The following CTNND2 variants were observed in gnomAD, a reference collection of about 807,000 sequenced individuals.
CTNND2 encodes the protein catenin delta 2.
CTNND2 carries 22 observed loss-of-function variants against 144.4 expected under a neutral mutation model. The observed-to-expected ratio is 0.15, with a 90% CI of 0.11 to 0.22. The LOEUF (loss-of-function observed/expected upper bound fraction) is 0.22, where lower values mean the gene tolerates loss of function less well. CTNND2 is among the 10% of genes least tolerant of loss of function. CTNND2 has a pLI of 1.00. For synonymous variants in CTNND2, 751 were observed against 695.6 expected (o/e 1.08, Z -1.25); for missense variants, 1,353 against 1,618.8 (o/e 0.84, Z 2.82).
chr5:11,726,459 T>C lies in CTNND2; in HGVS notation c.174+5677A>G, dbSNP rs376743394. Among the ~76,000 whole-genome samples the C allele has an allele frequency of 2.6e-5, 4 of 152,168 alleles. No individual in the cohort carries two copies. The South Asian group carries it at 8.3e-4, about 32-fold the overall frequency. On this transcript the variant is annotated intron_variant, in intron 2 of 21. Coordinates refer to ENST00000304623, the MANE Select transcript of CTNND2 (RefSeq NM_001332.4). ...CCTAAATATTTGCAGCTACCTCTGT[T>C]TGTGGTGAATTTTCAAAATAAAAAA...
chr5:11,000,910 C>G (rs1288018082), intron 18 of CTNND2, among the ~76,000 whole-genome samples: 1 of 152,246 alleles, frequency 6.6e-6, no homozygotes, highest in Non-Finnish European at 1.5e-5. Context: ...CAAATGGATG[C>G]TAATGAACAG....
At chr5:11,121,569 A>G (rs1723360087) in intron 12 of CTNND2, among the ~76,000 whole-genome samples, 1 of 151,762 alleles carries the variant, frequency 6.6e-6, no homozygotes, top group Non-Finnish European at 1.5e-5. Flanking sequence ...TCTAATAGAT[A>G]AAAAATGAAA....
chr5:11,158,650 C>A (rs554913932), intron 12 of CTNND2, among the ~76,000 whole-genome samples: 1 of 152,260 alleles, frequency 6.6e-6, no homozygotes, highest in Admixed American at 6.5e-5. Flanking sequence ...TTATTAATGC[C>A]ACTGAGGTGG....
intron 2 of CTNND2, among the ~76,000 whole-genome samples, chr5:11,573,366 T>C (rs1023461528): frequency 2.0e-5 from 3 of 152,138 alleles, no homozygotes; most frequent in African/African-American, 7.2e-5. Context: ...GGTGATCTTT[T>C]TTCTTACATC....
chr5:11,361,166 G>A lies in CTNND2; in HGVS notation c.1372+3530C>T, dbSNP rs376477301. 7.8e-4 allele frequency among the ~76,000 whole-genome samples: 119 copies of A among 152,102 alleles called. 1 individual carries two copies. The highest frequency in any genetic ancestry group is 3.1e-3 in the South Asian group (15 of 4,808). ...ATCCCGAGTAGCTGGGATTACTGGC[G>A]CCTGCCACCATGCCCGGCTAATTTT... On this transcript the variant is annotated intron_variant, in intron 8 of 21. Transcript: ENST00000304623.
At chr5:11,430,273 A>AT (rs1177101152) in intron 3 of CTNND2, among the ~76,000 whole-genome samples, 17 of 136,616 alleles carry the variant, frequency 1.2e-4, no homozygotes, top group African/African-American at 4.9e-4. Flanking sequence ...AAAAAAAAGG[A>AT]GTTTTTTTTT....
At chr5:11,105,578 A>T (rs1458112663) in intron 14 of CTNND2, among the ~76,000 whole-genome samples, 1 of 152,216 alleles carries the variant, frequency 6.6e-6, no homozygotes, top group Non-Finnish European at 1.5e-5. Context: ...TGGAAGGCTG[A>T]GAGATAAAAT....
intron 7 of CTNND2, among the ~76,000 whole-genome samples, chr5:11,367,396 G>T (rs1757084549): frequency 6.6e-6 from 1 of 152,150 alleles, no homozygotes; most frequent in South Asian, 2.1e-4. Flanking sequence ...TATGAACAAG[G>T]CCTATTTTAT....
intron 1 of CTNND2, among the ~76,000 whole-genome samples, chr5:11,742,013 G>A (rs1034841013): frequency 6.6e-6 from 1 of 151,284 alleles, no homozygotes; most frequent in African/African-American, 2.4e-5. Flanking sequence ...GGACACAAAG[G>A]CATAATAATA....
At chr5:11,851,450 G>A (rs995886371) in intron 1 of CTNND2, among the ~76,000 whole-genome samples, 1 of 152,166 alleles carries the variant, frequency 6.6e-6, no homozygotes, top group Non-Finnish European at 1.5e-5. Context: ...CTCAGCCCTA[G>A]TTATTTCCTA....
intron 8 of CTNND2, among the ~76,000 whole-genome samples, chr5:11,363,642 T>G (rs770823618): frequency 6.6e-6 from 1 of 152,238 alleles, no homozygotes; most frequent in African/African-American, 2.4e-5. Context: ...CTCCCTATGA[T>G]TCAGTGAAAT....
In CTNND2 at chr5:11,665,586, A is replaced by G. The variant is rs148355883; in HGVS notation, c.174+66550T>C. ...TTTACAATTCAATGCTATACGGAATATCATCTTCAAGCATGGCTACTTCCC... is the reference window on the plus strand; with the variant it reads ...TTTACAATTCAATGCTATACGGAATGTCATCTTCAAGCATGGCTACTTCCC... On this transcript the variant is annotated intron_variant, in intron 2 of 21. Transcript: ENST00000304623. Among the ~76,000 whole-genome samples the G allele has an allele frequency of 2.0e-4, 30 of 152,334 alleles. No homozygotes were observed. In the East Asian group the frequency reaches 4.6e-3, roughly 24 times the overall value.
At chr5:11,755,641 C>CT (rs377766540) in intron 1 of CTNND2, among the ~76,000 whole-genome samples, 3,352 of 140,124 alleles carry the variant, frequency 0.024, 128 homozygotes, top group African/African-American at 0.081. Context: ...GTTCATTCTT[C>CT]TTTTTTTTTT....
intron 3 of CTNND2, among the ~76,000 whole-genome samples, chr5:11,419,302 A>G (rs1477726577): frequency 2.0e-5 from 3 of 152,114 alleles, no homozygotes; most frequent in Non-Finnish European, 4.4e-5. Context: ...AAGAGAAAAA[A>G]TTCCCCATGA....
intron 11 of CTNND2, among the ~76,000 whole-genome samples, chr5:11,168,810 A>AAGAGGAGAGAG (rs934804279): frequency 1.3e-5 from 2 of 152,094 alleles, no homozygotes; most frequent in African/African-American, 4.8e-5. Flanking sequence ...CATAATGAGG[A>AAGAGGAGAGAG]AGAGGAGAGA....
chr5:11,770,573 T>A (rs572802017), intron 1 of CTNND2, among the ~76,000 whole-genome samples: 5 of 152,048 alleles, frequency 3.3e-5, no homozygotes, highest in Non-Finnish European at 7.3e-5. Flanking sequence ...TGCACAGTGA[T>A]CACAAAAAAC....
At chr5:11,090,901 A>C (rs537958227) in intron 15 of CTNND2, among the ~76,000 whole-genome samples, 1 of 151,956 alleles carries the variant, frequency 6.6e-6, no homozygotes, top group South Asian at 2.1e-4. Flanking sequence ...CTTGTATGGA[A>C]CATGTCTTTT....
intron 2 of CTNND2, among the ~76,000 whole-genome samples, chr5:11,601,375 T>C (rs1458409462): frequency 1.3e-5 from 2 of 152,152 alleles, no homozygotes; most frequent in Non-Finnish European, 1.5e-5. Flanking sequence ...TATTGCTCTG[T>C]AAGAATTTTA....
At chr5:11,621,949 A>C (rs1205797267) in intron 2 of CTNND2, among the ~76,000 whole-genome samples, 2 of 152,192 alleles carry the variant, frequency 1.3e-5, no homozygotes, top group Non-Finnish European at 2.9e-5. Flanking sequence ...TATAATACAC[A>C]AACAAAATAC....
Sources: gnomAD v4.1 joint callset for allele counts (sites outside exome capture counted in the v4.1 genomes callset) on GRCh38, gnomAD v4.1.1 for gene constraint, MANE v1.5 for transcripts, NCBI Gene and HGNC (gene_info 2026-07-23, HGNC 2026-07-21) for gene names.